The following CRB1 variants were observed in gnomAD, a reference collection of about 807,000 sequenced individuals.
The protein encoded by CRB1 is crumbs cell polarity complex component 1, also known as protein crumbs homolog 1.
In CRB1, 83 loss-of-function variants were observed where a neutral mutation model predicts 120.0. The observed-to-expected ratio is 0.69, with a 90% CI of 0.58 to 0.83. The LOEUF is 0.83. Ranked by LOEUF, CRB1 falls within the 40% of genes least tolerant of loss-of-function variation. The pLI is 0.00. For missense variants in CRB1, 1,699 were observed against 1,687.6 expected, an observed-to-expected ratio of 1.01 and a Z score of -0.12; for synonymous variants, 625 against 612.5, an observed-to-expected ratio of 1.02 and a Z score of -0.30.
At chr1:197,280,917 A>G (rs1205925451) in intron 1 of CRB1, among the ~76,000 whole-genome samples, 1 of 151,890 alleles carries the variant, frequency 6.6e-6, no homozygotes, top group Non-Finnish European at 1.5e-5. Flanking sequence ...TATGTATGAC[A>G]TCGGATTAAA....
intron 5 of CRB1, among the ~76,000 whole-genome samples, chr1:197,416,544 T>C (rs1437277653): frequency 6.6e-6 from 1 of 152,088 alleles, no homozygotes; most frequent in Non-Finnish European, 1.5e-5. Context: ...ATTCTATAAA[T>C]TGAGAAAATG....
chr1:197,348,943 T>G (rs1659935877), intron 4 of CRB1, among the ~76,000 whole-genome samples: 1 of 152,206 alleles, frequency 6.6e-6, no homozygotes, highest in Non-Finnish European at 1.5e-5. Flanking sequence ...TAGAGTAGCC[T>G]AAGCATACAG....
chr1:197,471,960 G>A (rs553937987), intron 11 of CRB1, among the ~76,000 whole-genome samples: 12 of 152,272 alleles, frequency 7.9e-5, no homozygotes, highest in African/African-American at 2.6e-4. Context: ...ATGAGCATTC[G>A]AGAGATGCCT....
rs181765313 is a variant in CRB1, at chr1:197,276,824, A to G, written c.70+8342A>G. The stretch of plus-strand genomic sequence containing the variant: ...TCTCTCATTCTTGCAATCATACTAC[A>G]TAGTAGCTATTAAGACCATTAGGAC... On this transcript the variant is annotated intron_variant, in intron 1 of 11. Coordinates refer to ENST00000367400, the MANE Select transcript of CRB1 (RefSeq NM_201253.3). Among the ~76,000 whole-genome samples the G allele has an allele frequency of 1.1e-3, 160 of 152,018 alleles. 2 individuals carry two copies. The highest frequency in any genetic ancestry group is 3.7e-4 in the Non-Finnish European group (25 of 67,892).
intron 10 of CRB1, chr1:197,441,096 C>T (rs1665411142): frequency 6.6e-6 from 1 of 152,170 alleles, no homozygotes; most frequent in East Asian, 1.9e-4. Context: ...GTCTCTGACC[C>T]ATACGTGCAA....
At chr1:197,238,285 A>T in the CRB1 span, among the ~76,000 whole-genome samples, 1 of 152,202 alleles carries the variant, frequency 6.6e-6, no homozygotes, top group South Asian at 2.1e-4. Flanking sequence ...AAATGAAGAC[A>T]AATAAAATGA....
chr1:197,381,614 T>C (rs1175774845), intron 5 of CRB1, among the ~76,000 whole-genome samples: 2 of 152,230 alleles, frequency 1.3e-5, no homozygotes, highest in Non-Finnish European at 2.9e-5. Context: ...ACACATAGTT[T>C]GGTCAAATTA....
chr1:197,384,284 G>C (rs1294462913), intron 5 of CRB1, among the ~76,000 whole-genome samples: 5 of 152,220 alleles, frequency 3.3e-5, no homozygotes, highest in Admixed American at 3.3e-4. Flanking sequence ...AAATGGTAAA[G>C]CTGGAACCTA....
chr1:197,387,594 A>ATAAT (rs1470304437), intron 5 of CRB1, among the ~76,000 whole-genome samples: 2 of 152,064 alleles, frequency 1.3e-5, no homozygotes, highest in African/African-American at 4.8e-5. Flanking sequence ...TGTATTATAA[A>ATAAT]TAATTTAATA....
chr1:197,445,492 ATACTT>A (rs1157609600), intron 11 of CRB1, among the ~76,000 whole-genome samples: 1 of 152,180 alleles, frequency 6.6e-6, no homozygotes, highest in Non-Finnish European at 1.5e-5. Context: ...GCCTTTTTAA[ATACTT>A]TATCTTTTCA....
chr1:197,212,473 C>A, the CRB1 span, among the ~76,000 whole-genome samples: 2 of 152,026 alleles, frequency 1.3e-5, no homozygotes, highest in African/African-American at 4.8e-5. Context: ...AAAGCAACAA[C>A]ATAAATGAGT....
chr1:197,346,042 T>G (rs1332001368), intron 3 of CRB1, among the ~76,000 whole-genome samples: 2 of 152,094 alleles, frequency 1.3e-5, no homozygotes, highest in African/African-American at 4.8e-5. Context: ...CTTCACTGTT[T>G]CCAGAAAGCA....
chr1:197,345,254 G>A (rs12068255), intron 3 of CRB1, among the ~76,000 whole-genome samples: 11,011 of 152,042 alleles, frequency 0.072, 501 homozygotes, highest in Non-Finnish European at 0.097. Flanking sequence ...TTGATTCTTC[G>A]ACAGCTCAGT....
At chr1:197,341,375 T>C (rs1382064611) in intron 2 of CRB1, among the ~76,000 whole-genome samples, 1 of 152,020 alleles carries the variant, frequency 6.6e-6, no homozygotes, top group Non-Finnish European at 1.5e-5. Flanking sequence ...AAACCCCATC[T>C]CTACAAAAAA....
rs910647431 is a variant in CRB1 at position 197,464,474 on chromosome 1, A to AT, written c.4006-13179dup. On this transcript the variant is annotated intron_variant, in intron 11 of 11. Coordinates refer to ENST00000367400, the MANE Select transcript of CRB1 (RefSeq NM_201253.3). ...GAAAAGTTATAGACCCAAGGGAAGT[A>AT]TTTTTTTTTTTAAAGGGGCAGTGGG... Among the ~76,000 whole-genome samples the AT allele has an allele frequency of 8.5e-3, 1,260 of 147,662 alleles. 16 individuals carry two copies. The highest frequency in any genetic ancestry group is 0.028 in the African/African-American group (1,127 of 40,418).
intron 5 of CRB1, among the ~76,000 whole-genome samples, chr1:197,390,622 C>T (rs1662452124): frequency 6.6e-6 from 1 of 152,118 alleles, no homozygotes; most frequent in African/African-American, 2.4e-5. Context: ...TTGTGCATAA[C>T]ATGATACCTT....
In CRB1 at chr1:197,427,751, A is replaced by G; in HGVS notation, c.2426A>G (p.Gln809Arg). The G allele has an allele frequency of 6.2e-7, 1 of 1,614,012 alleles. No homozygotes were observed. The highest frequency in any genetic ancestry group is 8.5e-7 in the Non-Finnish European group (1 of 1,179,966). Residue 809 changes from glutamine (Q) to arginine (R), a missense_variant, in exon 7 of 12, where the codon CAG (glutamine) becomes CGG (arginine). By Grantham distance (43) the Gln-to-Arg change is conservative (BLOSUM62 1). Coordinates refer to ENST00000367400, the MANE Select transcript of CRB1 (RefSeq NM_201253.3). ...KIKPYKIELY[Q>R]SSQNLGFISA... ...AAGCCATATAAAATTGAACTGTATC[A>G]GTCTTCACAAAACCTAGGATTTATT...
chr1:197,477,409 A>G, intron 11 of CRB1: 1 of 526,294 alleles, frequency 1.9e-6, no homozygotes, highest in Non-Finnish European at 3.6e-6. Context: ...CACTGAGATT[A>G]AGAGACTGAG....
the CRB1 span, among the ~76,000 whole-genome samples, chr1:197,206,019 C>T: frequency 3.3e-5 from 5 of 151,876 alleles, no homozygotes; most frequent in Non-Finnish European, 5.9e-5. Flanking sequence ...TCCATCTCCT[C>T]TAGGTTTTCT....
Sources: gnomAD v4.1 joint callset for allele counts (sites outside exome capture counted in the v4.1 genomes callset) on GRCh38, gnomAD v4.1.1 for gene constraint, MANE v1.5 for transcripts, NCBI Gene and HGNC (gene_info 2026-07-23, HGNC 2026-07-21) for gene names.